GPC5: variants seen among roughly 807,000 people sequenced by gnomAD.
GPC5 encodes glypican 5.
A neutral mutation model predicts 53.9 loss-of-function variants in GPC5; 47 were observed. That is an observed-to-expected ratio of 0.87 (90% CI 0.69 to 1.11). The LOEUF (loss-of-function observed/expected upper bound fraction) is 1.11, where lower values mean the gene tolerates loss of function less well. Ranked by LOEUF, GPC5 falls within the 50% of genes most tolerant of loss-of-function variation. The probability of loss-of-function intolerance (pLI) is 0.00; values close to 1 mark genes in which losing one functional copy is unlikely to be tolerated. For missense variants in GPC5, 748 were observed against 713.1 expected (o/e 1.05, Z -0.56); for synonymous variants, 286 against 263.3 (o/e 1.09, Z -0.84).
At position 92,202,913 on chromosome 13, in the gene GPC5, A is replaced by G. The variant is rs182775165; in HGVS notation, c.1561+57924A>G. ...CAATTAGTATCATGTCAACTTTTCA[A>G]GAGAACTTATGCTCCTTATTAATTT... is the stretch of plus-strand genomic sequence containing the variant. On this transcript the variant is annotated intron_variant, in intron 7 of 7. Coordinates refer to ENST00000377067, the MANE Select transcript of GPC5 (RefSeq NM_004466.6). Among the ~76,000 whole-genome samples, 3 of 152,296 alleles carry G rather than the reference A, an allele frequency of 2.0e-5. No individual in the cohort carries two copies. In the East Asian group the frequency reaches 5.8e-4, roughly 29 times the overall value.
intron 6 of GPC5, among the ~76,000 whole-genome samples, chr13:91,945,943 T>C (rs979645848): frequency 1.3e-5 from 2 of 152,176 alleles, no homozygotes; most frequent in African/African-American, 4.8e-5. Flanking sequence ...GAGCATTTTT[T>C]AGAGTATTCT....
At chr13:91,685,253 C>T (rs185714566) in intron 2 of GPC5, among the ~76,000 whole-genome samples, 23 of 152,202 alleles carry the variant, frequency 1.5e-4, no homozygotes, top group Non-Finnish European at 2.9e-4. Context: ...TGCAGTGAGC[C>T]GAGATTGTGC....
At chr13:91,975,445 C>A (rs1171469585) in intron 6 of GPC5, among the ~76,000 whole-genome samples, 1 of 152,102 alleles carries the variant, frequency 6.6e-6, no homozygotes, top group Admixed American at 6.6e-5. Context: ...ACAACCCCAT[C>A]AAAAAGTGGG....
intron 6 of GPC5, among the ~76,000 whole-genome samples, chr13:92,119,357 A>C (rs1198739000): frequency 6.7e-6 from 1 of 149,088 alleles, no homozygotes; most frequent in Non-Finnish European, 1.5e-5. Context: ...CAGTCAAATC[A>C]TATCACCTAT....
intron 2 of GPC5, among the ~76,000 whole-genome samples, chr13:91,453,552 A>G (rs1482531840): frequency 1.3e-5 from 2 of 152,130 alleles, no homozygotes; most frequent in Non-Finnish European, 2.9e-5. Flanking sequence ...TTTCCTAGGA[A>G]GAATAAAGGC....
intron 7 of GPC5, among the ~76,000 whole-genome samples, chr13:92,522,514 A>ACG (rs1881099962): frequency 6.6e-6 from 1 of 152,188 alleles, no homozygotes; most frequent in African/African-American, 2.4e-5. Flanking sequence ...AAACTATTGC[A>ACG]AGAACAAAAA....
At chr13:92,199,748 A>G (rs1373413385) in intron 7 of GPC5, among the ~76,000 whole-genome samples, 1 of 152,170 alleles carries the variant, frequency 6.6e-6, no homozygotes, top group Non-Finnish European at 1.5e-5. Context: ...GAAATAAACC[A>G]AAAAAGCATT....
intron 2 of GPC5, among the ~76,000 whole-genome samples, chr13:91,485,399 G>A (rs1393532252): frequency 1.3e-5 from 2 of 152,044 alleles, no homozygotes; most frequent in East Asian, 1.9e-4. Context: ...TATTTTTTAA[G>A]TAGAAATGGG....
intron 5 of GPC5, among the ~76,000 whole-genome samples, chr13:91,815,745 T>C (rs573309463): frequency 2.6e-5 from 4 of 152,322 alleles, no homozygotes; most frequent in African/African-American, 7.2e-5. Flanking sequence ...ATCTGTGTTT[T>C]TCTACCATTT....
intron 7 of GPC5, among the ~76,000 whole-genome samples, chr13:92,587,724 G>A (rs1189427934): frequency 6.6e-6 from 1 of 151,982 alleles, no homozygotes; most frequent in African/African-American, 2.4e-5. Context: ...CACCATTCCA[G>A]CCAGTAATTC....
intron 7 of GPC5, among the ~76,000 whole-genome samples, chr13:92,769,347 A>T (rs375244172): frequency 3.0e-4 from 45 of 152,182 alleles, no homozygotes; most frequent in African/African-American, 1.0e-3. Context: ...TATATACTGC[A>T]ATGTCATTTG....
At chr13:92,422,750 A>C (rs1876635667) in intron 7 of GPC5, among the ~76,000 whole-genome samples, 1 of 152,196 alleles carries the variant, frequency 6.6e-6, no homozygotes, top group African/African-American at 2.4e-5. Flanking sequence ...AGGAAAAAAA[A>C]AGTTGCCATT....
intron 7 of GPC5, among the ~76,000 whole-genome samples, chr13:92,761,299 A>G (rs1171057764): frequency 2.0e-5 from 3 of 152,138 alleles, no homozygotes; most frequent in Admixed American, 1.3e-4. Context: ...TCACAAGTAG[A>G]TGGGCCTATA....
intron 6 of GPC5, among the ~76,000 whole-genome samples, chr13:92,110,208 A>G (rs1235192981): frequency 1.3e-5 from 2 of 152,126 alleles, no homozygotes; most frequent in Non-Finnish European, 2.9e-5. Context: ...ACAAGCTATC[A>G]CCACCTCCAA....
chr13:91,680,402 T>A (rs900470164), intron 2 of GPC5, among the ~76,000 whole-genome samples: 6 of 152,118 alleles, frequency 3.9e-5, no homozygotes, highest in Non-Finnish European at 8.8e-5. Flanking sequence ...TGAGCAAAGA[T>A]CGCAACACTG....
At chr13:91,460,264 G>A (rs1030185540) in intron 2 of GPC5, among the ~76,000 whole-genome samples, 3 of 150,954 alleles carry the variant, frequency 2.0e-5, no homozygotes, top group Admixed American at 2.0e-4. Flanking sequence ...AATATTAATA[G>A]TTATCAATCA....
At chr13:92,123,901 C>A (rs918077975) in intron 6 of GPC5, among the ~76,000 whole-genome samples, 8 of 152,072 alleles carry the variant, frequency 5.3e-5, no homozygotes, top group Non-Finnish European at 1.2e-4. Flanking sequence ...ACGAAGATGT[C>A]TTCATTAAAC....
intron 2 of GPC5, among the ~76,000 whole-genome samples, chr13:91,473,211 C>T (rs1338340536): frequency 6.6e-6 from 1 of 152,110 alleles, no homozygotes; most frequent in Admixed American, 6.6e-5. Context: ...CCTATCACAT[C>T]CCTCCCTTGA....
At chr13:91,875,014 T>G (rs757126003) in intron 5 of GPC5, among the ~76,000 whole-genome samples, 2 of 152,180 alleles carry the variant, frequency 1.3e-5, no homozygotes, top group African/African-American at 2.4e-5. Flanking sequence ...CATCAGTGTG[T>G]GTCAAACATC....
Sources: gnomAD v4.1 joint callset for allele counts (sites outside exome capture counted in the v4.1 genomes callset) on GRCh38, gnomAD v4.1.1 for gene constraint, MANE v1.5 for transcripts, NCBI Gene and HGNC (gene_info 2026-07-23, HGNC 2026-07-21) for gene names.